SHANK2: variants seen among roughly 807,000 people sequenced by gnomAD.
SHANK2 encodes SH3 and multiple ankyrin repeat domains protein 2.
In SHANK2, 43 loss-of-function variants were observed where a neutral mutation model predicts 133.7. The observed-to-expected ratio is 0.32, with a 90% CI of 0.25 to 0.41. The LOEUF (loss-of-function observed/expected upper bound fraction) is 0.41, where lower values mean the gene tolerates loss of function less well. Ranked by LOEUF, SHANK2 falls within the 10% of genes least tolerant of loss-of-function variation. The probability of loss-of-function intolerance (pLI) is 1.00; values close to 1 mark genes in which losing one functional copy is unlikely to be tolerated. For synonymous variants in SHANK2, 1,017 were observed against 952.8 expected (o/e 1.07, Z -1.24); for missense variants, 1,994 against 2,235.8 (o/e 0.89, Z 2.18).
chr11:70,899,970 A>G (rs1302604024), intron 10 of SHANK2, among the ~76,000 whole-genome samples: 1 of 152,094 alleles, frequency 6.6e-6, no homozygotes, highest in African/African-American at 2.4e-5. Flanking sequence ...AGGTTTTCTC[A>G]CCTGTGAAAT....
intron 11 of SHANK2, among the ~76,000 whole-genome samples, chr11:70,878,059 G>A (rs1481164617): frequency 3.9e-5 from 6 of 152,230 alleles, no homozygotes; most frequent in African/African-American, 9.6e-5. Flanking sequence ...TGGCTCAGCC[G>A]CCATTGACTT....
At chr11:70,897,406 T>C (rs1555075909) in intron 10 of SHANK2, among the ~76,000 whole-genome samples, 1 of 152,202 alleles carries the variant, frequency 6.6e-6, no homozygotes, top group Non-Finnish European at 1.5e-5. Context: ...GTGGACCTTA[T>C]CCAAACAGCT....
intron 17 of SHANK2, among the ~76,000 whole-genome samples, chr11:70,533,977 A>G (rs117122240): frequency 0.029 from 4,370 of 152,232 alleles, 101 homozygotes; most frequent in East Asian, 0.11. Context: ...GTTCCACTGC[A>G]TGGGTGCCCA....
At chr11:70,738,755 G>A (rs1011898548) in intron 14 of SHANK2, among the ~76,000 whole-genome samples, 7 of 152,148 alleles carry the variant, frequency 4.6e-5, no homozygotes, top group African/African-American at 1.4e-4. Context: ...TAGCCAGAAC[G>A]CCCACTGTGC....
chr11:70,713,693 G>A (rs182691400), intron 14 of SHANK2, among the ~76,000 whole-genome samples: 137 of 152,250 alleles, frequency 9.0e-4, no homozygotes, highest in Non-Finnish European at 1.6e-3. Context: ...TCACAGCACC[G>A]GGTGTCCGTC....
chr11:70,927,021 G>A (rs1325877191), intron 10 of SHANK2, among the ~76,000 whole-genome samples: 5 of 152,088 alleles, frequency 3.3e-5, no homozygotes, highest in African/African-American at 9.7e-5. Flanking sequence ...GGCAAAAGCC[G>A]GTGATCAGAA....
chr11:70,900,336 C>T (rs1402598133), intron 10 of SHANK2, among the ~76,000 whole-genome samples: 1 of 151,262 alleles, frequency 6.6e-6, no homozygotes, highest in South Asian at 2.1e-4. Flanking sequence ...CTCGGTGACA[C>T]AGCGAGACTC....
intron 2 of SHANK2, among the ~76,000 whole-genome samples, chr11:71,160,493 G>A (rs1358276733): frequency 6.6e-5 from 10 of 152,182 alleles, no homozygotes; most frequent in Admixed American, 1.3e-4. Flanking sequence ...GTGTGGTCAT[G>A]CATTCCCATC....
Position 70,893,205 on chromosome 11 carries a change from T to C in SHANK2, c.1174+3296A>G, listed in dbSNP as rs114829134. ...TAACTGTTTTCACTGTGGTTACTCA[T>C]TCATTCACCCAGAAGTTGGGCAGCT... On this transcript the variant is annotated intron_variant, in intron 11 of 25. Coordinates refer to ENST00000601538, the MANE Select transcript of SHANK2 (RefSeq NM_012309.5). Among the ~76,000 whole-genome samples, 128 of 152,332 alleles carry C rather than the reference T, an allele frequency of 8.4e-4. 1 individual carries two copies. Among genetic ancestry groups the C allele is most frequent in the African/African-American group, 3.0e-3 (126 of 41,572 alleles).
chr11:71,250,025 C>A (rs1948152031), intron 1 of SHANK2, among the ~76,000 whole-genome samples: 1 of 152,158 alleles, frequency 6.6e-6, no homozygotes, highest in Non-Finnish European at 1.5e-5. Context: ...GAATGAAAAT[C>A]TTGAAACTCA....
At chr11:71,114,096 A>G (rs1555099899) in intron 4 of SHANK2, among the ~76,000 whole-genome samples, 2 of 151,998 alleles carry the variant, frequency 1.3e-5, no homozygotes, top group Non-Finnish European at 2.9e-5. Flanking sequence ...TGGAGCTGGG[A>G]CCTCTGTTCC....
intron 3 of SHANK2, among the ~76,000 whole-genome samples, chr11:71,134,040 C>A (rs1382453659): frequency 6.7e-6 from 1 of 150,258 alleles, no homozygotes; most frequent in Non-Finnish European, 1.5e-5. Flanking sequence ...CGGCTACATT[C>A]GTGGATAAAA....
chr11:70,568,652 C>CCA (rs1554982477), intron 17 of SHANK2, among the ~76,000 whole-genome samples: 2 of 128,540 alleles, frequency 1.6e-5, no homozygotes, highest in Non-Finnish European at 3.4e-5. Flanking sequence ...TCCTGCCCCC[C>CCA]CCGCCCACTT....
chr11:70,554,982 C>A (rs868974341), intron 17 of SHANK2, among the ~76,000 whole-genome samples: 1 of 151,314 alleles, frequency 6.6e-6, no homozygotes, highest in Non-Finnish European at 1.5e-5. Context: ...CCCAACAGCA[C>A]GTGCTCACTT....
At chr11:70,912,427 C>T (rs902504521) in intron 10 of SHANK2, among the ~76,000 whole-genome samples, 1 of 152,022 alleles carries the variant, frequency 6.6e-6, no homozygotes, top group Admixed American at 6.6e-5. Context: ...TCACGGGGGC[C>T]GGTCTTTCCC....
intron 2 of SHANK2, among the ~76,000 whole-genome samples, chr11:71,195,732 A>AT (rs1476483386): frequency 6.6e-6 from 1 of 152,232 alleles, no homozygotes; most frequent in Non-Finnish European, 1.5e-5. Flanking sequence ...AAACTTAAAA[A>AT]AAGTTTTTGA....
At chr11:71,116,639 G>A (rs1386846836) in intron 4 of SHANK2, among the ~76,000 whole-genome samples, 1 of 152,252 alleles carries the variant, frequency 6.6e-6, no homozygotes, top group African/African-American at 2.4e-5. Flanking sequence ...AGGACTCAGA[G>A]ATGAATTGGA....
chr11:70,692,925 T>C (rs1202172590), intron 15 of SHANK2, among the ~76,000 whole-genome samples: 1 of 152,192 alleles, frequency 6.6e-6, no homozygotes, highest in East Asian at 1.9e-4. Flanking sequence ...TTAAACCTTT[T>C]CCTTGAGTGG....
chr11:70,773,001 G>A (rs185945297), intron 14 of SHANK2, among the ~76,000 whole-genome samples: 2 of 152,184 alleles, frequency 1.3e-5, no homozygotes, highest in African/African-American at 2.4e-5. Context: ...AGCCCACTAA[G>A]AGCTAAATGG....
Sources: allele counts gnomAD v4.1 joint callset (sites outside exome capture counted in the v4.1 genomes callset), GRCh38; gene constraint gnomAD v4.1.1; transcripts MANE v1.5; gene names NCBI Gene and HGNC (gene_info 2026-07-23, HGNC 2026-07-21).